Variants in SHISA9 observed in about 807,000 individuals in gnomAD.
SHISA9 encodes protein shisa-9.
SHISA9 carries 13 observed loss-of-function variants against 38.0 expected under a neutral mutation model. That is an observed-to-expected ratio of 0.34 (90% CI 0.22 to 0.54). The LOEUF (loss-of-function observed/expected upper bound fraction) is 0.54. Ranked by LOEUF, SHISA9 falls within the 20% of genes least tolerant of loss-of-function variation. The pLI is 0.91. For synonymous variants in SHISA9, 275 were observed against 242.0 expected (o/e 1.14, Z -1.27); for missense variants, 538 against 575.8 (o/e 0.93, Z 0.67).
chr16:13,296,426 G>T, the SHISA9 span, among the ~76,000 whole-genome samples: 2 of 151,430 alleles, frequency 1.3e-5, no homozygotes, highest in South Asian at 2.1e-4. Context: ...CAGCACGCAG[G>T]GGGGAAAAAA....
chr16:13,299,746 C>G, the SHISA9 span, among the ~76,000 whole-genome samples: 18,219 of 151,470 alleles, frequency 0.12, 1,147 homozygotes, highest in South Asian at 0.22. Flanking sequence ...CGACAATTGG[C>G]TTTAAAGTCC....
At chr16:12,954,870 C>T (rs1431676815) in intron 2 of SHISA9, among the ~76,000 whole-genome samples, 1 of 152,080 alleles carries the variant, frequency 6.6e-6, no homozygotes, top group South Asian at 2.1e-4. Context: ...TTTCTATGTG[C>T]ACATGTGTTA....
At chr16:13,359,376 G>C in the SHISA9 span, among the ~76,000 whole-genome samples, 919 of 152,274 alleles carry the variant, frequency 6.0e-3, 7 homozygotes, top group African/African-American at 0.018. Context: ...CCAGGTACCC[G>C]GGAGGCTGAG....
At chr16:13,068,995 T>C (rs2073470873) in intron 2 of SHISA9, among the ~76,000 whole-genome samples, 1 of 152,106 alleles carries the variant, frequency 6.6e-6, no homozygotes, top group Non-Finnish European at 1.5e-5. Flanking sequence ...ACATGCAATG[T>C]GTGTATGTGC....
chr16:13,512,726 T>C, the SHISA9 span, among the ~76,000 whole-genome samples: 1 of 152,290 alleles, frequency 6.6e-6, no homozygotes, highest in East Asian at 1.9e-4. Context: ...CCATCTGATC[T>C]TCGACAAACC....
the SHISA9 span, among the ~76,000 whole-genome samples, chr16:13,443,600 G>A: frequency 6.6e-6 from 1 of 152,092 alleles, no homozygotes. Context: ...TCAATTTTAT[G>A]TCCTTGTAAT....
chr16:13,317,486 T>C, the SHISA9 span, among the ~76,000 whole-genome samples: 1 of 152,132 alleles, frequency 6.6e-6, no homozygotes, highest in South Asian at 2.1e-4. Flanking sequence ...AGTTTTAGGG[T>C]ACATGTGCAC....
the SHISA9 span, among the ~76,000 whole-genome samples, chr16:13,409,730 A>G: frequency 3.3e-5 from 5 of 152,212 alleles, no homozygotes; most frequent in Non-Finnish European, 7.3e-5. Context: ...ACCAACTATC[A>G]GGAGGGAATG....
chr16:13,431,145 C>A, the SHISA9 span, among the ~76,000 whole-genome samples: 3 of 152,116 alleles, frequency 2.0e-5, no homozygotes, highest in Non-Finnish European at 2.9e-5. Context: ...GCTGCATGGT[C>A]CACCCTAAAT....
chr16:13,419,965 G>T, the SHISA9 span, among the ~76,000 whole-genome samples: 1 of 152,154 alleles, frequency 6.6e-6, no homozygotes, highest in Non-Finnish European at 1.5e-5. Flanking sequence ...GTTTGCTCAA[G>T]CTGGGCACAG....
intron 2 of SHISA9, among the ~76,000 whole-genome samples, chr16:13,125,678 A>G (rs977996736): frequency 6.6e-6 from 1 of 151,914 alleles, no homozygotes; most frequent in Admixed American, 6.5e-5. Flanking sequence ...GGTGTTTCTC[A>G]TTCAAAACCT....
intron 2 of SHISA9, among the ~76,000 whole-genome samples, chr16:13,147,108 A>C (rs769388030): frequency 2.2e-4 from 33 of 152,210 alleles, no homozygotes; most frequent in Non-Finnish European, 4.4e-4. Flanking sequence ...AAAGACAGCA[A>C]GATGCATATT....
chr16:13,233,638 C>G (rs1344793879), intron 4 of SHISA9, among the ~76,000 whole-genome samples: 1 of 152,166 alleles, frequency 6.6e-6, no homozygotes, highest in Non-Finnish European at 1.5e-5. Flanking sequence ...GTTTTGTGTC[C>G]AATAAAACCT....
chr16:13,032,694 A>G (rs2073006459), intron 2 of SHISA9, among the ~76,000 whole-genome samples: 1 of 152,190 alleles, frequency 6.6e-6, no homozygotes, highest in Non-Finnish European at 1.5e-5. Context: ...TTTCTATTAC[A>G]CTTTCTATTA....
chr16:13,083,597 C>T (rs2073678140), intron 2 of SHISA9, among the ~76,000 whole-genome samples: 1 of 152,184 alleles, frequency 6.6e-6, no homozygotes, highest in Admixed American at 6.5e-5. Context: ...AAGCCCTAAG[C>T]ATCAATTGCA....
chr16:13,549,766 T>C, the SHISA9 span, among the ~76,000 whole-genome samples: 2 of 152,114 alleles, frequency 1.3e-5, no homozygotes, highest in African/African-American at 4.8e-5. Context: ...GGCTCACACC[T>C]GTAATCTCAG....
intron 2 of SHISA9, among the ~76,000 whole-genome samples, chr16:13,179,555 A>C (rs12934993): frequency 0.19 from 28,675 of 152,102 alleles, 2,893 homozygotes; most frequent in African/African-American, 0.27. Flanking sequence ...AAGAAAATCA[A>C]AGCTCTCTTC....
chr16:13,374,340 A>G, the SHISA9 span, among the ~76,000 whole-genome samples: 94 of 152,116 alleles, frequency 6.2e-4, 1 homozygote, highest in African/African-American at 2.1e-3. Context: ...GACAGACCCC[A>G]GTGTGTGATG....
intron 2 of SHISA9, among the ~76,000 whole-genome samples, chr16:13,080,322 T>G (rs991530492): frequency 2.0e-5 from 3 of 152,100 alleles, no homozygotes; most frequent in Non-Finnish European, 4.4e-5. Flanking sequence ...GCAGTGAGCC[T>G]AGATTGCGCC....
Sources: gnomAD v4.1 joint callset for allele counts (sites outside exome capture counted in the v4.1 genomes callset) on GRCh38, gnomAD v4.1.1 for gene constraint, MANE v1.5 for transcripts, NCBI Gene and HGNC (gene_info 2026-07-23, HGNC 2026-07-21) for gene names.